GRK7: variants seen among roughly 807,000 people sequenced by gnomAD.
The protein encoded by GRK7 is rhodopsin kinase GRK7.
In GRK7, 24 loss-of-function variants were observed where a neutral mutation model predicts 34.1. That is an observed-to-expected ratio of 0.70 (90% CI 0.51 to 0.99). The LOEUF is 0.99. Ranked by LOEUF, GRK7 falls within the 50% of genes least tolerant of loss-of-function variation. The pLI, the probability that GRK7 is intolerant of heterozygous loss-of-function variation, is 0.00. For missense variants in GRK7, 644 were observed against 707.3 expected (o/e 0.91, Z 1.02); for synonymous variants, 256 against 279.4 (o/e 0.92, Z 0.84).
chr3:141,804,452 C>T (rs1711002537), intron 4 of GRK7, among the ~76,000 whole-genome samples: 1 of 152,142 alleles, frequency 6.6e-6, no homozygotes, highest in Non-Finnish European at 1.5e-5. Context: ...CCATCTCTTG[C>T]ACATGCTCAT....
In GRK7 at chr3:141,765,249, C is replaced by G. The variant is rs2084575136; in HGVS notation, c.-704C>G. Among the ~76,000 whole-genome samples, 2 of 152,228 alleles carry G rather than the reference C, an allele frequency of 1.3e-5. No homozygotes were observed. Among genetic ancestry groups the G allele is most frequent in the Admixed American group, 1.3e-4 (2 of 15,284 alleles). ...CCAGGATTTGAGCCAGCTGTTCCTT[C>G]TCCCTGAAGTGCTCTACCCTCAGGC... On this transcript the variant is annotated 5_prime_UTR_variant, in exon 1 of 6. Coordinates refer to ENST00000682958, the MANE Select transcript of GRK7 (RefSeq NM_139209.3).
At chr3:141,796,445 A>G (rs899507798) in intron 4 of GRK7, among the ~76,000 whole-genome samples, 5 of 152,248 alleles carry the variant, frequency 3.3e-5, no homozygotes, top group African/African-American at 1.2e-4. Flanking sequence ...CCAGACCTTC[A>G]GTCACAATCC....
chr3:141,816,547 G>T (rs533406039), intron 5 of GRK7, among the ~76,000 whole-genome samples, 167 bp from the exon 6 acceptor site: 2 of 151,946 alleles, frequency 1.3e-5, no homozygotes, highest in South Asian at 4.2e-4. Context: ...GGGAATTTGG[G>T]GTGATTTCAA....
chr3:141,784,412 G>A (rs753100546), intron 4 of GRK7, among the ~76,000 whole-genome samples: 38 of 152,174 alleles, frequency 2.5e-4, no homozygotes, highest in Middle Eastern at 3.2e-3. Flanking sequence ...GGCCTGCCAC[G>A]GAAGCCCAGG....
intron 4 of GRK7, among the ~76,000 whole-genome samples, chr3:141,782,245 C>T (rs905231343): frequency 1.1e-4 from 16 of 152,022 alleles, no homozygotes; most frequent in Non-Finnish European, 2.1e-4. Flanking sequence ...GTGGCCCAGG[C>T]AAGAAATAAT....
intron 1 of GRK7, among the ~76,000 whole-genome samples, chr3:141,768,363 C>T (rs755720540): frequency 5.3e-5 from 8 of 151,828 alleles, no homozygotes; most frequent in Non-Finnish European, 1.2e-4. Context: ...CCTCAGCCTC[C>T]GCCTCCCGGG....
In GRK7 at chr3:141,778,763, A is replaced by ACGCTGGCCAAG; in HGVS notation, c.479_480insCGCTGGCCAAG (p.Glu160AspfsTer12). 6.2e-7 allele frequency: 1 copy of ACGCTGGCCAAG among 1,608,678 alleles called. No homozygotes were observed. The highest frequency in any genetic ancestry group is 1.7e-5 in the Admixed American group (1 of 59,106). On this transcript the variant is annotated frameshift_variant, in exon 3 of 6. Coordinates refer to ENST00000682958, the MANE Select transcript of GRK7 (RefSeq NM_139209.3). LOFTEE classifies it high-confidence loss of function. This position sits in a 1 kb window ranked among gnomAD's most constrained non-coding sequence, Gnocchi z 4.1. ...GCTGAGGCCATGGCTTTCTTGCAAG[A>ACGCTGGCCAAG]GCAGCCCTTTAAGGATTTCGTGACC...
Position 141,817,059 on chromosome 3 carries a change from CTT to C in GRK7, c.*11_*12del, listed in dbSNP as rs1711163126. 1 of 1,565,256 alleles carries C rather than the reference CTT, an allele frequency of 6.4e-7. No homozygotes were observed. Among genetic ancestry groups the C allele is most frequent in the Non-Finnish European group, 8.6e-7 (1 of 1,158,430 alleles). ...TGTGTTTGTTATTGTAAATTGCTCT[CTT>C]TACCAGACAGGCAGCAGGAGTCTCG... On this transcript the variant is annotated 3_prime_UTR_variant, in exon 6 of 6. Coordinates refer to ENST00000682958, the MANE Select transcript of GRK7 (RefSeq NM_139209.3).
chr3:141,776,339 GAT>G (rs955406754), intron 2 of GRK7, among the ~76,000 whole-genome samples: 2 of 152,050 alleles, frequency 1.3e-5, no homozygotes, highest in Non-Finnish European at 2.9e-5. Flanking sequence ...ATATATCTGT[GAT>G]ATCAATGCTA....
rs1050321338 is a variant in GRK7 at position 141,817,875 on chromosome 3, C to T, written c.*825C>T. 2 of 152,196 alleles carry T rather than the reference C, an allele frequency of 1.3e-5. No homozygotes were observed. The highest frequency in any genetic ancestry group is 2.9e-5 in the Non-Finnish European group (2 of 68,036). The allele number at this position is 152,196 out of a possible 1,614,324, so 9.4% of individuals were successfully genotyped here. On this transcript the variant is annotated 3_prime_UTR_variant, in exon 6 of 6. Coordinates refer to ENST00000682958, the MANE Select transcript of GRK7 (RefSeq NM_139209.3). Reference sequence around the variant, plus strand: ...CTCCCAGGTATGAGAACAGCTTGACCATTTAGAATTTCAGAAGCTCCCCAG... The same window carrying T: ...CTCCCAGGTATGAGAACAGCTTGACTATTTAGAATTTCAGAAGCTCCCCAG...
intron 4 of GRK7, among the ~76,000 whole-genome samples, chr3:141,785,938 CAAAAAA>C (rs11328714): frequency 3.7e-5 from 5 of 135,840 alleles, no homozygotes; most frequent in Non-Finnish European, 7.9e-5. Flanking sequence ...TACCCTGTCT[CAAAAAA>C]AAAAAAAAAA....
At chr3:141,801,444 T>C (rs1710965183) in intron 4 of GRK7, among the ~76,000 whole-genome samples, 1 of 150,986 alleles carries the variant, frequency 6.6e-6, no homozygotes, top group South Asian at 2.1e-4. Context: ...AAAAACTTGC[T>C]AGGTGGGGAA....
chr3:141,768,945 A>C (rs2084603363), intron 1 of GRK7, among the ~76,000 whole-genome samples: 1 of 152,062 alleles, frequency 6.6e-6, no homozygotes, highest in Admixed American at 6.6e-5. Flanking sequence ...CTGAATGATA[A>C]ATGTTGAATG....
rs374610575 is a variant in GRK7, at chr3:141,802,889, A to ATGAAC, written c.1051-4755_1051-4751dup. ...CTTCCAGAAGACTCCCTTGTGCCTG[A>ATGAAC]TGAACCAGCAGCCAGCTGGGCATCA... On this transcript the variant is annotated intron_variant, in intron 4 of 5. Coordinates refer to ENST00000682958, the MANE Select transcript of GRK7 (RefSeq NM_139209.3). Among the ~76,000 whole-genome samples the ATGAAC allele has an allele frequency of 4.4e-3, 669 of 152,240 alleles. 7 individuals are homozygous for ATGAAC. The highest frequency in any genetic ancestry group is 0.016 in the African/African-American group (651 of 41,544).
At chr3:141,790,932 T>G (rs1190312040) in intron 4 of GRK7, among the ~76,000 whole-genome samples, 3 of 152,222 alleles carry the variant, frequency 2.0e-5, no homozygotes, top group Non-Finnish European at 4.4e-5. Flanking sequence ...ATGCACACAG[T>G]GAAACTAGTT....
At chr3:141,802,740 A>G (rs1421686971) in intron 4 of GRK7, among the ~76,000 whole-genome samples, 1 of 152,102 alleles carries the variant, frequency 6.6e-6, no homozygotes, top group Admixed American at 6.6e-5. Flanking sequence ...CTGCTAATCA[A>G]CTGGATGACA....
intron 1 of GRK7, among the ~76,000 whole-genome samples, chr3:141,774,154 C>A (rs2084628476): frequency 6.6e-6 from 1 of 152,126 alleles, no homozygotes; most frequent in African/African-American, 2.4e-5. Context: ...GTGTTCCAGC[C>A]GGGCATGGTA....
In GRK7 at chr3:141,765,023, T is replaced by G. The variant is rs568649090; in HGVS notation, c.-930T>G. 2.6e-5 allele frequency among the ~76,000 whole-genome samples: 4 copies of G among 152,296 alleles called. No individual in the cohort carries two copies. The highest frequency in any genetic ancestry group is 9.6e-5 in the African/African-American group (4 of 41,546). ...TCTGTTTTAACCCTTGCCCCTTCTG[T>G]CTGTGATCCTGTTAAAATGTCCATC... On this transcript the variant is annotated 5_prime_UTR_variant, in exon 1 of 6. Coordinates refer to ENST00000682958, the MANE Select transcript of GRK7 (RefSeq NM_139209.3).
intron 4 of GRK7, among the ~76,000 whole-genome samples, chr3:141,806,177 G>A (rs1190403745): frequency 6.6e-6 from 1 of 152,018 alleles, no homozygotes; most frequent in East Asian, 1.9e-4. Context: ...CTTCTTTGAG[G>A]TACATACTCC....
Sources: allele counts gnomAD v4.1 joint callset (sites outside exome capture counted in the v4.1 genomes callset), GRCh38; gene constraint gnomAD v4.1.1; non-coding constraint Gnocchi (gnomAD v3.1); transcripts MANE v1.5; gene names NCBI Gene and HGNC (gene_info 2026-07-23, HGNC 2026-07-21).